The following SLC26A7 variants were observed in gnomAD, a reference collection of about 807,000 sequenced individuals.
SLC26A7 encodes the protein anion exchange transporter.
SLC26A7 carries 59 observed loss-of-function variants against 82.5 expected under a neutral mutation model. That is an observed-to-expected ratio of 0.72 (90% CI 0.58 to 0.89). The LOEUF (loss-of-function observed/expected upper bound fraction) is 0.89. Among genes scored for constraint, SLC26A7 ranks in the 40% least tolerant of loss-of-function variants. SLC26A7 has a pLI of 0.00. For synonymous variants in SLC26A7, 271 were observed against 274.3 expected, an observed-to-expected ratio of 0.99 and a Z score of 0.12; for missense variants, 820 against 793.0, an observed-to-expected ratio of 1.03 and a Z score of -0.41.
intron 18 of SLC26A7, chr8:91,394,714 A>T: frequency 9.0e-7 from 1 of 1,107,668 alleles, no homozygotes; most frequent in African/African-American, 1.6e-5. Flanking sequence ...TCTAACATAT[A>T]TTGAGTGCCC....
chr8:91,394,131 T>C, intron 18 of SLC26A7, 92 bp downstream of exon 18: 2 of 1,592,238 alleles, frequency 1.3e-6, no homozygotes, highest in Admixed American at 1.7e-5. Context: ...TATTACTCCA[T>C]TGGCATCTAA....
chr8:91,387,865 G>C (rs886434210), intron 15 of SLC26A7, among the ~76,000 whole-genome samples: 1 of 152,050 alleles, frequency 6.6e-6, no homozygotes, highest in Non-Finnish European at 1.5e-5. Context: ...CTCCTTAAAA[G>C]TTACTGATTA....
intron 3 of SLC26A7, among the ~76,000 whole-genome samples, chr8:91,289,661 G>T (rs1405820027): frequency 6.6e-6 from 1 of 151,912 alleles, no homozygotes; most frequent in Admixed American, 6.6e-5. Context: ...AAAAAAAAAG[G>T]AAGGGAAATG....
intron 2 of SLC26A7, among the ~76,000 whole-genome samples, chr8:91,238,075 A>G (rs1217124983): frequency 1.3e-5 from 2 of 152,198 alleles, no homozygotes; most frequent in Non-Finnish European, 2.9e-5. Context: ...GATTTTTGCT[A>G]TATGATGTTG....
intron 4 of SLC26A7, among the ~76,000 whole-genome samples, chr8:91,303,710 ATTAC>A (rs1812229052): frequency 6.6e-6 from 1 of 152,204 alleles, no homozygotes; most frequent in African/African-American, 2.4e-5. Flanking sequence ...AGATTCTTCA[ATTAC>A]TTTTGGTGTT....
chr8:91,326,592 C>G (rs1563680610), intron 5 of SLC26A7, among the ~76,000 whole-genome samples: 1 of 152,118 alleles, frequency 6.6e-6, no homozygotes, highest in African/African-American at 2.4e-5. Flanking sequence ...TTCTGAAGTA[C>G]TGGGGGTTAG....
intron 11 of SLC26A7, chr8:91,357,344 T>A (rs908146826): frequency 6.6e-6 from 1 of 152,192 alleles, no homozygotes; most frequent in Non-Finnish European, 1.5e-5. Context: ...TATATCATAT[T>A]TTGTAGTGAG....
chr8:91,365,493 G>A (rs768239357), intron 13 of SLC26A7, among the ~76,000 whole-genome samples: 1 of 152,148 alleles, frequency 6.6e-6, no homozygotes, highest in Non-Finnish European at 1.5e-5. Flanking sequence ...AATATGACAG[G>A]CCTAAGAGTT....
intron 12 of SLC26A7, 109 bp from the exon 13 acceptor site, chr8:91,363,363 A>C: frequency 1.6e-6 from 1 of 610,040 alleles, no homozygotes; most frequent in Non-Finnish European, 2.9e-6. Context: ...ATAGGATATA[A>C]ATCATCTCAG....
chr8:91,209,898 TC>T (rs1486814900), intron 1 of SLC26A7, among the ~76,000 whole-genome samples: 3 of 152,220 alleles, frequency 2.0e-5, no homozygotes, highest in Non-Finnish European at 2.9e-5. Flanking sequence ...CATATTTTTT[TC>T]TTTCAACATC....
rs1208983524 is a variant in SLC26A7, at chr8:91,340,683, A to G, written c.1026+132A>G. The G allele has an allele frequency of 2.8e-6, 3 of 1,066,424 alleles. No homozygotes were observed. In the African/African-American group the frequency reaches 4.8e-5, roughly 17 times the overall value. The allele number at this position is 1,066,424 out of a possible 1,614,324, so 66.1% of individuals were successfully genotyped here. A position where few individuals can be genotyped will look rare whatever the true frequency, so the allele number is the denominator to read the frequency against. On this transcript the variant is annotated intron_variant, in intron 8 of 18. Coordinates refer to ENST00000276609, the MANE Select transcript of SLC26A7 (RefSeq NM_052832.4). ...ACAGCAAGAGTGGGTTGAACAAAAA[A>G]AAAGAAAAATATCAAAATCATTCAT... is the stretch of plus-strand genomic sequence containing the variant.
At chr8:91,362,028 G>T (rs1814063774) in intron 11 of SLC26A7, among the ~76,000 whole-genome samples, 1 of 152,092 alleles carries the variant, frequency 6.6e-6, no homozygotes. Context: ...AAAGCAGTGG[G>T]AAATCATGGC....
At chr8:91,361,092 T>C (rs527904285) in intron 11 of SLC26A7, among the ~76,000 whole-genome samples, 18 of 152,138 alleles carry the variant, frequency 1.2e-4, no homozygotes, top group Non-Finnish European at 2.5e-4. Context: ...TTGTATTCTC[T>C]CTTTTACTCC....
At chr8:91,366,900 T>G (rs1303763402) in intron 14 of SLC26A7, among the ~76,000 whole-genome samples, 183 bp downstream of exon 14, 1 of 152,228 alleles carries the variant, frequency 6.6e-6, no homozygotes, top group Non-Finnish European at 1.5e-5. Flanking sequence ...TGTTCATTCT[T>G]CATTTATTCA....
intron 15 of SLC26A7, among the ~76,000 whole-genome samples, chr8:91,379,268 A>G (rs1288893766): frequency 6.6e-6 from 1 of 152,124 alleles, no homozygotes; most frequent in Admixed American, 6.5e-5. Flanking sequence ...ATTTATATTT[A>G]ATATCAAGTA....
At chr8:91,222,631 T>TG (rs1175126944) in intron 2 of SLC26A7, among the ~76,000 whole-genome samples, 4 of 152,234 alleles carry the variant, frequency 2.6e-5, no homozygotes, top group Non-Finnish European at 5.9e-5. Context: ...TTTTTGTCAT[T>TG]GGTTCTGTTT....
intron 2 of SLC26A7, among the ~76,000 whole-genome samples, chr8:91,230,647 A>G (rs183649511): frequency 1.4e-4 from 21 of 152,336 alleles, no homozygotes; most frequent in African/African-American, 4.8e-4. Flanking sequence ...GGGGGTTACT[A>G]TAAAGATTAA....
chr8:91,333,526 C>T (rs994784934), intron 5 of SLC26A7, among the ~76,000 whole-genome samples: 1 of 151,984 alleles, frequency 6.6e-6, no homozygotes, highest in African/African-American at 2.4e-5. Context: ...TTCATTTACC[C>T]CCTCTATCAT....
At chr8:91,313,995 T>C (rs1346990397) in intron 4 of SLC26A7, among the ~76,000 whole-genome samples, 1 of 152,198 alleles carries the variant, frequency 6.6e-6, no homozygotes, top group Non-Finnish European at 1.5e-5. Context: ...ATATGGTGTT[T>C]ATAGAAGCAT....
Sources: allele counts gnomAD v4.1 joint callset (sites outside exome capture counted in the v4.1 genomes callset), GRCh38; gene constraint gnomAD v4.1.1; transcripts MANE v1.5; gene names NCBI Gene and HGNC (gene_info 2026-07-23, HGNC 2026-07-21).